The following ZNF16 variants were observed in gnomAD, a reference collection of about 807,000 sequenced individuals.
ZNF16 encodes the protein zinc finger protein 16.
ZNF16 carries 7 observed loss-of-function variants against 9.0 expected under a neutral mutation model. The ratio of observed to expected loss-of-function variants is 0.78; its 90% CI spans 0.44 to 1.47. The LOEUF (loss-of-function observed/expected upper bound fraction) is 1.47. Among genes scored for constraint, ZNF16 ranks in the 40% most tolerant of loss-of-function variants. The pLI is 0.01. For missense variants in ZNF16, 830 were observed against 854.2 expected (o/e 0.97, Z 0.35); for synonymous variants, 312 against 301.5 (o/e 1.03, Z -0.36).
At position 144,933,086 on chromosome 8, in the gene ZNF16, G is replaced by C. The variant is rs1833596720; in HGVS notation, c.197-496C>G. On this transcript the variant is annotated intron_variant, in intron 2 of 2. Transcript: ENST00000394909. This position sits in a 1 kb window ranked among gnomAD's most constrained non-coding sequence, Gnocchi z 5.6. ...ACACTGCCAGGTGTGAGCCTTACCA[G>C]CCTATCTCCAGTTCTGTCAGTGCAT... is the stretch of plus-strand genomic sequence containing the variant. Among the ~76,000 whole-genome samples, 1 of 152,154 alleles carries C rather than the reference G, an allele frequency of 6.6e-6. No individual in the cohort carries two copies. The highest frequency in any genetic ancestry group is 1.5e-5 in the Non-Finnish European group (1 of 68,022).
rs1344028114 is a variant in ZNF16 at position 144,932,646 on chromosome 8, CAT to C, written c.197-58_197-57del. The C allele has an allele frequency of 3.8e-6, 6 of 1,559,986 alleles. No homozygotes were observed. The highest frequency in any genetic ancestry group is 5.2e-6 in the Non-Finnish European group (6 of 1,150,770). ...GGCAGTGCTGCAGCAGGAGCAGGAA[CAT>C]AGACAGTCACAGTTGCACCCACTAA... On this transcript the variant is annotated intron_variant, in intron 2 of 2. Coordinates refer to ENST00000394909, the MANE Select transcript of ZNF16 (RefSeq NM_006958.3). This position sits in a 1 kb window ranked among gnomAD's most constrained non-coding sequence, Gnocchi z 5.0.
Position 144,931,271 on chromosome 8 carries a change from G to A in ZNF16, c.1516C>T (p.Gln506Ter), listed in dbSNP as rs745658754. ...TCGCCTGTGTGCACGCCCTGGTGCT[G>A]AATGAGGGCTGAGCTGTGGCTGAAG... Reference protein sequence around the residue: ...KAFSHSSALIQHQGVHTGDKP... With the variant: ...KAFSHSSALI Residue 506 changes from glutamine (Q) to a stop codon, truncating the protein, a stop_gained, in exon 3 of 3, where the codon CAG (glutamine) becomes TAG (stop). Coordinates refer to ENST00000394909, the MANE Select transcript of ZNF16 (RefSeq NM_006958.3). LOFTEE classifies it low-confidence loss of function (END_TRUNC). The A allele has an allele frequency of 6.2e-7, 1 of 1,614,110 alleles. No homozygotes were observed. The highest frequency in any genetic ancestry group is 8.5e-7 in the Non-Finnish European group (1 of 1,180,010).
intron 1 of ZNF16, among the ~76,000 whole-genome samples, chr8:144,949,569 C>T (rs1834042342): frequency 6.6e-6 from 1 of 152,232 alleles, no homozygotes; most frequent in South Asian, 2.1e-4. Context: ...TAATTTGTAA[C>T]TTTGCCCCAG....
In ZNF16 at chr8:144,932,245, T is replaced by C; in HGVS notation, c.542A>G (p.His181Arg). ...CQEIPTEERPHPYDMGGQSFQ... is the reference protein window; with the variant it reads ...CQEIPTEERPRPYDMGGQSFQ... ...ACTCTGGCCACCCATGTCATATGGA[T>C]GTGGCCTCTCTTCTGTAGGGATTTC... The change falls in exon 3 of 3, where the codon CAT becomes CGT. Residue 181 changes from histidine (H) to arginine (R), a missense_variant. His to Arg is a conservative substitution (Grantham distance 29, BLOSUM62 0). Transcript: ENST00000394909. This position sits in a 1 kb window ranked among gnomAD's most constrained non-coding sequence, Gnocchi z 5.0. 6.2e-7 allele frequency: 1 copy of C among 1,614,216 alleles called. No individual in the cohort carries two copies. The highest frequency in any genetic ancestry group is 8.5e-7 in the Non-Finnish European group (1 of 1,180,040).
chr8:144,940,376 G>C (rs538743838), intron 2 of ZNF16, among the ~76,000 whole-genome samples: 1 of 152,068 alleles, frequency 6.6e-6, no homozygotes, highest in Non-Finnish European at 1.5e-5. Flanking sequence ...TTTCAACAAG[G>C]GTGTTTATTG....
chr8:144,949,819 T>G (rs574018489), intron 1 of ZNF16, among the ~76,000 whole-genome samples: 118 of 152,276 alleles, frequency 7.7e-4, no homozygotes, highest in Middle Eastern at 3.4e-3. Flanking sequence ...TGTGATAGTC[T>G]GAAATATGGC....
intron 1 of ZNF16, among the ~76,000 whole-genome samples, chr8:144,949,725 A>G (rs1586963516): frequency 1.3e-5 from 2 of 152,326 alleles, no homozygotes; most frequent in East Asian, 1.9e-4. Context: ...CTCCAGTCTC[A>G]ATAAACCAGG....
intron 1 of ZNF16, among the ~76,000 whole-genome samples, chr8:144,948,827 G>T (rs372528468): frequency 6.6e-6 from 1 of 152,098 alleles, no homozygotes; most frequent in Non-Finnish European, 1.5e-5. Flanking sequence ...CTCTCACCCA[G>T]GTCCATATCC....
Position 144,946,993 on chromosome 8 carries a change from G to C in ZNF16, c.-9-778C>G, listed in dbSNP as rs1301850234. ...CTGTGGGCCTGTGTCCTGCTGTGGG[G>C]CTGTGTCCTGCTGTGGGCCTGTATC... On this transcript the variant is annotated intron_variant, in intron 1 of 2. Coordinates refer to ENST00000394909, the MANE Select transcript of ZNF16 (RefSeq NM_006958.3). 6.6e-4 allele frequency among the ~76,000 whole-genome samples: 52 copies of C among 79,192 alleles called. 1 individual carries two copies. The highest frequency in any genetic ancestry group is 1.3e-3 in the African/African-American group (18 of 13,604). The allele number at this position is 79,192 out of a possible 152,430, so 52.0% of individuals were successfully genotyped here.
intron 1 of ZNF16, among the ~76,000 whole-genome samples, chr8:144,946,886 C>T (rs1327130652): frequency 3.2e-4 from 39 of 121,430 alleles, no homozygotes; most frequent in African/African-American, 1.2e-3. Flanking sequence ...GCTGTGGGGC[C>T]TGTGTCCTGC....
intron 2 of ZNF16, among the ~76,000 whole-genome samples, chr8:144,935,563 T>A (rs1397502128): frequency 6.6e-6 from 1 of 152,180 alleles, no homozygotes; most frequent in Non-Finnish European, 1.5e-5. Context: ...AGAAAAAGAT[T>A]TGAAAGCAAA....
intron 2 of ZNF16, among the ~76,000 whole-genome samples, chr8:144,940,682 T>G (rs1833778935): frequency 6.6e-6 from 1 of 152,254 alleles, no homozygotes; most frequent in Non-Finnish European, 1.5e-5. Flanking sequence ...AATGGAGTAT[T>G]TTATATACTT....
chr8:144,949,108 G>A (rs1834028652), intron 1 of ZNF16, among the ~76,000 whole-genome samples: 1 of 152,250 alleles, frequency 6.6e-6, no homozygotes, highest in African/African-American at 2.4e-5. Context: ...CCTGGCTAGA[G>A]GCTAAGCCTG....
In ZNF16 at chr8:144,933,156, G is replaced by GA. The variant is rs2130002498; in HGVS notation, c.197-567dup. On this transcript the variant is annotated intron_variant, in intron 2 of 2. Transcript: ENST00000394909. This position sits in a 1 kb window ranked among gnomAD's most constrained non-coding sequence, Gnocchi z 5.6. ...GTCTTAGGAGTCACTAGTGTGGAGA[G>GA]AGACCCCGTTGTACACAGAGAAGAA... Among the ~76,000 whole-genome samples the GA allele has an allele frequency of 6.6e-6, 1 of 152,290 alleles. No individual in the cohort carries two copies. Among genetic ancestry groups the GA allele is most frequent in the East Asian group, 1.9e-4 (1 of 5,174 alleles).
Position 144,931,788 on chromosome 8 carries a change from G to A in ZNF16, c.999C>T (p.Ser333=), listed in dbSNP as rs1275931477. ...CNECGKAFRR[S]SNLIQHQRIH... ...TTCTTTGATGTTGGATGAGGTTTGA[G>A]CTCCGCCTAAAAGCCTTCCCACATT... is the stretch of plus-strand genomic sequence containing the variant. The change falls in exon 3 of 3, where the codon AGC becomes AGT. Residue 333 remains serine, a synonymous_variant. Transcript: ENST00000394909. 1.9e-6 allele frequency: 3 copies of A among 1,614,100 alleles called. No individual in the cohort carries two copies. The highest frequency in any genetic ancestry group is 1.7e-5 in the Admixed American group (1 of 60,010).
chr8:144,932,711 G>C lies in ZNF16; in HGVS notation c.197-121C>G. 9.6e-7 allele frequency: 1 copy of C among 1,045,450 alleles called. No homozygotes were observed. 64.8% of individuals were successfully genotyped at this position (1,045,450 alleles called of 1,614,324 possible). On this transcript the variant is annotated intron_variant, in intron 2 of 2. Transcript: ENST00000394909. The surrounding 1 kb of genome is among the most constrained non-coding windows in gnomAD (Gnocchi z 5.0). ...CAAGGGGAGCAGGGGATCCTCTGGG[G>C]TGGCAGTCCAGATCAGAGGGCATCA... is the stretch of plus-strand genomic sequence containing the variant.
Position 144,944,237 on chromosome 8 carries a change from A to G in ZNF16, c.196+1774T>C, listed in dbSNP as rs535051259. ...AGGTGCCTGCCACCATGCCCAGCTA[A>G]TTTTTTGTATTTTTAGTTGAGATGG... On this transcript the variant is annotated intron_variant, in intron 2 of 2. Coordinates refer to ENST00000394909, the MANE Select transcript of ZNF16 (RefSeq NM_006958.3). 214 of 151,962 alleles carry G rather than the reference A, an allele frequency of 1.4e-3. 1 individual carries two copies. Among genetic ancestry groups the G allele is most frequent in the Non-Finnish European group, 2.5e-3 (170 of 67,936 alleles). The allele number at this position is 151,962 out of a possible 1,614,324, so 9.4% of individuals were successfully genotyped here.
At chr8:144,943,623 G>A (rs113297524) in intron 2 of ZNF16, among the ~76,000 whole-genome samples, 6,942 of 151,238 alleles carry the variant, frequency 0.046, 509 homozygotes, top group African/African-American at 0.16. Context: ...GGGTTCAAGC[G>A]ATTCTCCTGC....
rs1476425554 is a variant in ZNF16 at position 144,931,903 on chromosome 8, C to T, written c.884G>A (p.Cys295Tyr). The change falls in exon 3 of 3, where the codon TGT becomes TAT. Residue 295 changes from cysteine (C) to tyrosine (Y), a missense_variant. Transcript: ENST00000394909. ...GCTGAAGGCTTTTCCACATTCATTA[C>T]ACATATAAGGCCTCTCACTGCTGTG... The part of the protein sequence containing the change: ...SHHSSERPYM[C>Y]NECGKAFSQN... 2.5e-6 allele frequency: 4 copies of T among 1,614,232 alleles called. 1 individual carries two copies. The South Asian group carries it at 4.4e-5, about 18-fold the overall frequency.
Sources: allele counts gnomAD v4.1 joint callset (sites outside exome capture counted in the v4.1 genomes callset), GRCh38; gene constraint gnomAD v4.1.1; non-coding constraint Gnocchi (gnomAD v3.1); transcripts MANE v1.5; gene names NCBI Gene and HGNC (gene_info 2026-07-23, HGNC 2026-07-21).